Variants in ITCH observed in about 807,000 individuals in gnomAD.
ITCH encodes E3 ubiquitin-protein ligase Itchy homolog.
In ITCH, 28 loss-of-function variants were observed where a neutral mutation model predicts 126.8. The ratio of observed to expected loss-of-function variants is 0.22; its 90% CI spans 0.16 to 0.30. The LOEUF (loss-of-function observed/expected upper bound fraction) is 0.30. Ranked by LOEUF, ITCH falls within the 10% of genes least tolerant of loss-of-function variation. ITCH has a pLI of 1.00. For missense variants in ITCH, 631 were observed against 1,032.4 expected, an observed-to-expected ratio of 0.61 and a Z score of 5.33; for synonymous variants, 342 against 340.0, an observed-to-expected ratio of 1.01 and a Z score of -0.06.
At chr20:34,440,038 C>A in intron 8 of ITCH, 117 bp from the exon 9 acceptor site, 1 of 708,496 alleles carries the variant, frequency 1.4e-6, no homozygotes, top group Non-Finnish European at 2.4e-6. Context: ...TTCACCTGTG[C>A]ATCTACATCT....
At chr20:34,474,813 C>CCCGGACAGGGTGGCTG (rs1221190390) in intron 16 of ITCH, among the ~76,000 whole-genome samples, 43 of 151,746 alleles carry the variant, frequency 2.8e-4, no homozygotes, top group Non-Finnish European at 6.0e-4. Context: ...CCACCTCCCT[C>CCCGGACAGGGTGGCTG]CCGGACAGGG....
At chr20:34,450,714 T>A (rs1985090386) in intron 12 of ITCH, among the ~76,000 whole-genome samples, 1 of 152,186 alleles carries the variant, frequency 6.6e-6, no homozygotes, top group Non-Finnish European at 1.5e-5. Context: ...AATATTGGGA[T>A]AAATTCAGAA....
intron 12 of ITCH, chr20:34,454,270 T>G (rs1985611545): frequency 4.0e-5 from 6 of 151,232 alleles, no homozygotes. Flanking sequence ...CCCGAGTAGC[T>G]GGGACTACAG....
At chr20:34,480,969 A>G (rs936883342) in intron 19 of ITCH, 97 bp from the exon 20 acceptor site, 2 of 1,240,902 alleles carry the variant, frequency 1.6e-6, no homozygotes, top group African/African-American at 1.5e-5. Context: ...TTATAGCTTA[A>G]TATTAATTAT....
At chr20:34,487,012 G>T (rs1193783349) in intron 20 of ITCH, among the ~76,000 whole-genome samples, 4 of 107,822 alleles carry the variant, frequency 3.7e-5, no homozygotes, top group East Asian at 2.7e-4. Context: ...TATTTGTTAG[G>T]TTTTTTTTTT....
intron 3 of ITCH, 93 bp downstream of exon 3, chr20:34,393,974 G>A: frequency 8.3e-7 from 1 of 1,209,142 alleles, no homozygotes; most frequent in Non-Finnish European, 1.2e-6. Flanking sequence ...GCCCATGCCT[G>A]TAATCCCAGC....
chr20:34,410,557 A>G (rs1568908834), intron 4 of ITCH, among the ~76,000 whole-genome samples: 2 of 152,312 alleles, frequency 1.3e-5, no homozygotes, highest in South Asian at 2.1e-4. Flanking sequence ...AAGAAAACAC[A>G]TGAGGCTGGG....
chr20:34,391,262 C>G (rs1202768854), intron 2 of ITCH, among the ~76,000 whole-genome samples: 1 of 152,088 alleles, frequency 6.6e-6, no homozygotes, highest in Non-Finnish European at 1.5e-5. Flanking sequence ...TCCCTATGAC[C>G]ACGTACTTGA....
chr20:34,474,335 G>A (rs1011597337), intron 16 of ITCH, among the ~76,000 whole-genome samples: 20 of 152,258 alleles, frequency 1.3e-4, no homozygotes, highest in Middle Eastern at 3.4e-3. Flanking sequence ...TGTGTCCCTG[G>A]GTACTTGAGA....
intron 22 of ITCH, 142 bp downstream of exon 22, chr20:34,490,068 G>A (rs998369443): frequency 2.1e-5 from 14 of 675,646 alleles, no homozygotes; most frequent in Non-Finnish European, 2.9e-5. Flanking sequence ...AATGAATACA[G>A]ATTATAACAG....
chr20:34,501,525 C>T (rs964072093), intron 23 of ITCH, among the ~76,000 whole-genome samples: 4 of 152,138 alleles, frequency 2.6e-5, no homozygotes, highest in African/African-American at 9.7e-5. Context: ...CCTGTAATCC[C>T]AGCACTTTGG....
Position 34,506,429 on chromosome 20 carries a change from G to T in ITCH, c.2490-1266G>T, listed in dbSNP as rs184876515. ...AGGGGTCCCCAACTCCTGGTCCCCA[G>T]CCTGTTAGGAACTGGGCTGCACAGC... On this transcript the variant is annotated intron_variant, in intron 24 of 24. Coordinates refer to ENST00000374864, the MANE Select transcript of ITCH (RefSeq NM_031483.7). Among the ~76,000 whole-genome samples, 234 of 152,294 alleles carry T rather than the reference G, an allele frequency of 1.5e-3. 1 individual carries two copies. Among genetic ancestry groups the T allele is most frequent in the African/African-American group, 5.5e-3 (229 of 41,552 alleles).
At chr20:34,394,513 G>A (rs925656906) in intron 3 of ITCH, among the ~76,000 whole-genome samples, 2 of 152,112 alleles carry the variant, frequency 1.3e-5, no homozygotes, top group Non-Finnish European at 2.9e-5. Flanking sequence ...GCCTCCTGCT[G>A]TGGTGACTAC....
intron 2 of ITCH, chr20:34,384,127 T>C (rs1243049462): frequency 6.7e-6 from 1 of 150,002 alleles, no homozygotes; most frequent in Non-Finnish European, 1.5e-5. Flanking sequence ...ATTACAGGCA[T>C]GAGCCACTGT....
intron 7 of ITCH, among the ~76,000 whole-genome samples, chr20:34,434,360 T>C (rs1235412170): frequency 2.0e-5 from 3 of 151,968 alleles, no homozygotes; most frequent in Non-Finnish European, 4.4e-5. Context: ...AAAAAGAGTA[T>C]AGTGAAGGAA....
At chr20:34,485,033 T>C (rs570013091) in intron 20 of ITCH, among the ~76,000 whole-genome samples, 11 of 152,358 alleles carry the variant, frequency 7.2e-5, no homozygotes, top group Non-Finnish European at 1.5e-4. Context: ...AATGAAATCA[T>C]AGAGTATGTA....
chr20:34,427,810 G>T (rs929423702), intron 7 of ITCH, among the ~76,000 whole-genome samples: 2 of 152,110 alleles, frequency 1.3e-5, no homozygotes, highest in Non-Finnish European at 2.9e-5. Context: ...CAATAAACCT[G>T]TATCTTTGTA....
intron 7 of ITCH, among the ~76,000 whole-genome samples, chr20:34,425,787 T>A (rs1981434866): frequency 6.6e-6 from 1 of 152,150 alleles, no homozygotes; most frequent in Admixed American, 6.5e-5. Context: ...CACACTCCCC[T>A]CGCCAAGATA....
At chr20:34,450,394 A>G (rs1162883708) in intron 12 of ITCH, among the ~76,000 whole-genome samples, 1 of 152,210 alleles carries the variant, frequency 6.6e-6, no homozygotes, top group African/African-American at 2.4e-5. Context: ...GAAGGAGCAC[A>G]TGTGAAGGTG....
Sources: gnomAD v4.1 joint callset for allele counts (sites outside exome capture counted in the v4.1 genomes callset) on GRCh38, gnomAD v4.1.1 for gene constraint, MANE v1.5 for transcripts, NCBI Gene and HGNC (gene_info 2026-07-23, HGNC 2026-07-21) for gene names.